The following KDM6A variants were observed in gnomAD, a reference collection of about 807,000 sequenced individuals.
KDM6A encodes lysine demethylase 6A.
Under a neutral mutation model 117.6 loss-of-function variants are expected in KDM6A, and 11 were observed. The ratio of observed to expected loss-of-function variants is 0.09; its 90% CI spans 0.06 to 0.15. KDM6A has a LOEUF of 0.15. KDM6A is among the 10% of genes least tolerant of loss of function. The pLI is 1.00. For missense variants in KDM6A, 799 were observed against 1,077.3 expected (o/e 0.74, Z 3.62); for synonymous variants, 384 against 396.1 (o/e 0.97, Z 0.36).
chrX:44,885,745 G>A (rs758953091), intron 2 of KDM6A, among the ~76,000 whole-genome samples: 16 of 109,559 alleles, frequency 1.5e-4, no homozygotes, highest in Admixed American at 1.4e-3. Context: ...GGTGGCGGGC[G>A]CCTGTAGTCC....
chrX:45,087,982 C>T lies in KDM6A; in HGVS notation c.3705-1761C>T, dbSNP rs149689147. 5.9e-3 allele frequency among the ~76,000 whole-genome samples: 652 copies of T among 110,765 alleles called. 5 individuals carry two copies. Among genetic ancestry groups the T allele is most frequent in the African/African-American group, 0.02 (615 of 30,419 alleles). Reference sequence around the variant, plus strand: ...TTTATTTTATGGCTTTAAATAATACCTGTCTTGAAATAACCATTCTTTTGA... The same window carrying T: ...TTTATTTTATGGCTTTAAATAATACTTGTCTTGAAATAACCATTCTTTTGA... On this transcript the variant is annotated intron_variant, in intron 25 of 29. Transcript: ENST00000611820.
chrX:44,945,090 G>A (rs1292181751), intron 2 of KDM6A, among the ~76,000 whole-genome samples: 3 of 111,494 alleles, frequency 2.7e-5, no homozygotes, highest in African/African-American at 6.5e-5. Context: ...GTATAGAATT[G>A]TAGGTTATAT....
At chrX:44,893,896 A>G (rs1327511006) in intron 2 of KDM6A, among the ~76,000 whole-genome samples, 3 of 111,420 alleles carry the variant, frequency 2.7e-5, no homozygotes, top group Non-Finnish European at 1.9e-5. Flanking sequence ...GGATCAACTG[A>G]TGTGATTATA....
intron 2 of KDM6A, among the ~76,000 whole-genome samples, chrX:44,879,987 A>G (rs1182944294): frequency 1.8e-5 from 2 of 110,108 alleles, no homozygotes; most frequent in African/African-American, 6.6e-5. Flanking sequence ...AGCCTGACCA[A>G]TATGGTGAAA....
At chrX:44,955,737 G>A (rs1451933587) in intron 2 of KDM6A, among the ~76,000 whole-genome samples, 3 of 111,008 alleles carry the variant, frequency 2.7e-5, no homozygotes, top group Non-Finnish European at 5.7e-5. Context: ...TTAAAACTGC[G>A]TTGTCTTGAG....
intron 4 of KDM6A, among the ~76,000 whole-genome samples, chrX:45,006,855 CCGGAG>C (rs748415169): frequency 9.1e-5 from 10 of 109,642 alleles, no homozygotes; most frequent in Non-Finnish European, 1.9e-4. Context: ...TGCTTGAACC[CCGGAG>C]GTGGAGGTTA....
intron 5 of KDM6A, among the ~76,000 whole-genome samples, chrX:45,012,121 G>C (rs2041785615): frequency 9.2e-6 from 1 of 108,914 alleles, no homozygotes; most frequent in African/African-American, 3.3e-5. Flanking sequence ...CTACATAGCA[G>C]TCACTTGCCT....
intron 10 of KDM6A, among the ~76,000 whole-genome samples, chrX:45,057,924 T>C (rs886940711): frequency 9.1e-5 from 10 of 109,629 alleles, no homozygotes; most frequent in Non-Finnish European, 1.5e-4. Context: ...AGCATAAATA[T>C]TAATTCATTT....
chrX:44,966,304 A>G (rs2039008755), intron 3 of KDM6A, among the ~76,000 whole-genome samples: 2 of 108,876 alleles, frequency 1.8e-5, no homozygotes, highest in African/African-American at 6.7e-5. Flanking sequence ...ACCACGCCTA[A>G]CTATTTTTTG....
intron 3 of KDM6A, among the ~76,000 whole-genome samples, chrX:44,963,200 G>A (rs1158456342): frequency 1.8e-5 from 2 of 110,968 alleles, no homozygotes; most frequent in Non-Finnish European, 3.8e-5. Context: ...GGTGGCTCAC[G>A]CCTGTGATTC....
Position 44,939,872 on chromosome X carries a change from A to G in KDM6A, c.226-21412A>G, listed in dbSNP as rs144928073. Among the ~76,000 whole-genome samples the G allele has an allele frequency of 2.9e-4, 33 of 112,210 alleles. No individual in the cohort carries two copies. In the East Asian group the frequency reaches 8.7e-3, roughly 29 times the overall value. On this transcript the variant is annotated intron_variant, in intron 2 of 29. Coordinates refer to ENST00000611820, the MANE Select transcript of KDM6A (RefSeq NM_001291415.2). ...GAAGGCTCAGATTTTTAAATTAGGT[A>G]TGTACATTTTCTTTGACTAAATGCT... is the stretch of plus-strand genomic sequence containing the variant.
intron 28 of KDM6A, among the ~76,000 whole-genome samples, chrX:45,109,138 T>TAAATAAATA (rs1556378033): frequency 3.3e-5 from 3 of 91,561 alleles, no homozygotes; most frequent in Non-Finnish European, 4.4e-5. Context: ...ATAATAATAA[T>TAAATAAATA]AATAAATAAA....
chrX:44,881,030 T>C (rs1397510404), intron 2 of KDM6A, among the ~76,000 whole-genome samples: 2 of 112,383 alleles, frequency 1.8e-5, no homozygotes, highest in South Asian at 3.6e-4. Context: ...GTGTTTTAGA[T>C]GGCTTTGTGA....
chrX:45,020,751 A>G (rs1281937904), intron 6 of KDM6A, 21 bp downstream of exon 6: 2 of 1,202,446 alleles, frequency 1.7e-6, no homozygotes, highest in Non-Finnish European at 2.2e-6. Context: ...GGGTTTTTTC[A>G]AGATACAATG....
Position 45,111,595 on chromosome X carries a change from C to CA in KDM6A, c.*185dup. Reference sequence around the variant, plus strand: ...AGTACTGCTCCTACTCCAGGACTCTCACAAAGCTGATGAGCTGTACTTCAG... The same window carrying CA: ...AGTACTGCTCCTACTCCAGGACTCTCAACAAAGCTGATGAGCTGTACTTCAG... On this transcript the variant is annotated 3_prime_UTR_variant, in exon 30 of 30. Coordinates refer to ENST00000611820, the MANE Select transcript of KDM6A (RefSeq NM_001291415.2). 1 of 441,120 alleles carries CA rather than the reference C, an allele frequency of 2.3e-6. No homozygotes were observed. Among genetic ancestry groups the CA allele is most frequent in the Non-Finnish European group, 4.0e-6 (1 of 249,260 alleles). 36.4% of individuals were successfully genotyped at this position (441,120 alleles called of 1,213,427 possible). A position where few individuals can be genotyped will look rare whatever the true frequency, so the allele number is the denominator to read the frequency against.
chrX:45,108,836 G>A (rs1184190156), intron 28 of KDM6A, among the ~76,000 whole-genome samples: 2 of 100,165 alleles, frequency 2.0e-5, no homozygotes, highest in African/African-American at 7.3e-5. Flanking sequence ...GGATGAAATT[G>A]GAAACCATCA....
intron 4 of KDM6A, among the ~76,000 whole-genome samples, chrX:44,977,549 C>G (rs190362769): frequency 2.3e-4 from 26 of 111,976 alleles, no homozygotes; most frequent in African/African-American, 8.1e-4. Context: ...CAGGTGTGAG[C>G]CACCGCACTT....
intron 8 of KDM6A, among the ~76,000 whole-genome samples, chrX:45,043,434 T>C (rs1291055694): frequency 2.7e-5 from 3 of 111,924 alleles, no homozygotes; most frequent in African/African-American, 9.8e-5. Flanking sequence ...TTTTTATCTT[T>C]TATGATCTTA....
intron 2 of KDM6A, among the ~76,000 whole-genome samples, chrX:44,886,409 TCTGA>T (rs2032882289): frequency 9.0e-6 from 1 of 110,901 alleles, no homozygotes; most frequent in Non-Finnish European, 1.9e-5. Context: ...GTTTTATTGC[TCTGA>T]CTGATTACCA....
Sources: allele counts gnomAD v4.1 joint callset (sites outside exome capture counted in the v4.1 genomes callset), GRCh38; gene constraint gnomAD v4.1.1; transcripts MANE v1.5; gene names NCBI Gene and HGNC (gene_info 2026-07-23, HGNC 2026-07-21).